CLTC: variants seen among roughly 807,000 people sequenced by gnomAD.
CLTC encodes the protein clathrin heavy chain, also known as clathrin heavy chain 1.
A neutral mutation model predicts 195.8 loss-of-function variants in CLTC; 16 were observed. The ratio of observed to expected loss-of-function variants is 0.08; its 90% CI spans 0.06 to 0.12. CLTC has a LOEUF of 0.12. CLTC is among the 10% of genes least tolerant of loss of function. The pLI is 1.00. For synonymous variants in CLTC, 667 were observed against 689.4 expected (o/e 0.97, Z 0.51); for missense variants, 796 against 2,027.0 (o/e 0.39, Z 11.66).
chr17:59,689,421 C>T (rs944590701), intron 30 of CLTC: 1 of 151,858 alleles, frequency 6.6e-6, no homozygotes, highest in African/African-American at 2.4e-5. Context: ...CTGAAGTCTA[C>T]AATTTTTTTT....
chr17:59,637,859 T>G lies in CLTC; in HGVS notation c.43-6417T>G, dbSNP rs938756089. ...GCAGCCCAGGAGGTTGAAGCTGCAG[T>G]GACCCATGATTGTGCCACTGAATTC... is the stretch of plus-strand genomic sequence containing the variant. On this transcript the variant is annotated intron_variant, in intron 1 of 31. Transcript: ENST00000269122. Among the ~76,000 whole-genome samples the G allele has an allele frequency of 4.8e-5, 7 of 145,700 alleles. No individual in the cohort carries two copies. In the East Asian group the frequency reaches 1.5e-3, roughly 30 times the overall value.
At position 59,651,327 on chromosome 17, in the gene CLTC, C is replaced by G. The variant is rs1299454726; in HGVS notation, c.795+11C>G. On this transcript the variant is annotated intron_variant, in intron 5 of 31. Transcript: ENST00000269122. ...CCTGTTGCAATGCAGGTATTTTAAG[C>G]AAAATAAATGACTTTTTAAAAATCT... 9 of 1,560,668 alleles carry G rather than the reference C, an allele frequency of 5.8e-6. No homozygotes were observed. The highest frequency in any genetic ancestry group is 5.3e-6 in the Non-Finnish European group (6 of 1,133,378).
chr17:59,624,454 C>CTTTTTTTTTTTTT (rs5821272), intron 1 of CLTC, among the ~76,000 whole-genome samples: 1 of 98,154 alleles, frequency 1.0e-5, no homozygotes. Flanking sequence ...GAGCCACATA[C>CTTTTTTTTTTTTT]TTTTTTTTTT....
chr17:59,686,944 A>G (rs2033197787), intron 30 of CLTC: 1 of 953,616 alleles, frequency 1.0e-6, no homozygotes, highest in Non-Finnish European at 1.2e-6. Context: ...CTACCTTTTT[A>G]TGCTCAATAT....
Position 59,683,307 on chromosome 17 carries a change from C to G in CLTC, c.4041+45C>G. On this transcript the variant is annotated intron_variant, in intron 25 of 31. Coordinates refer to ENST00000269122, the MANE Select transcript of CLTC (RefSeq NM_004859.4). The surrounding 1 kb of genome is among the most constrained non-coding windows in gnomAD (Gnocchi z 6.1). Reference sequence around the variant, plus strand: ...CAGTGAAGCAACTGTGTAGTTAAAACTAATGCTTCAAAATATCTTATTCTT... The same window carrying G: ...CAGTGAAGCAACTGTGTAGTTAAAAGTAATGCTTCAAAATATCTTATTCTT... 1 of 1,604,236 alleles carries G rather than the reference C, an allele frequency of 6.2e-7. No homozygotes were observed.
At chr17:59,668,504 C>T (rs1169431273) in intron 13 of CLTC, among the ~76,000 whole-genome samples, 3 of 152,072 alleles carry the variant, frequency 2.0e-5, no homozygotes, top group African/African-American at 4.8e-5. Context: ...GAGCTATGAT[C>T]GTGCCACTGC....
intron 1 of CLTC, among the ~76,000 whole-genome samples, chr17:59,641,779 A>G (rs2032043319): frequency 6.6e-6 from 1 of 152,092 alleles, no homozygotes; most frequent in Non-Finnish European, 1.5e-5. Flanking sequence ...TTAATGAGAA[A>G]GTAATATAAG....
chr17:59,660,012 G>A (rs984741922), intron 6 of CLTC, among the ~76,000 whole-genome samples: 1 of 152,184 alleles, frequency 6.6e-6, no homozygotes, highest in Non-Finnish European at 1.5e-5. Context: ...AAGTCCTCAA[G>A]AAGTTTTAAA....
chr17:59,675,338 A>C (rs942661294), intron 16 of CLTC, among the ~76,000 whole-genome samples: 1 of 152,172 alleles, frequency 6.6e-6, no homozygotes, highest in African/African-American at 2.4e-5. Context: ...TTTCCAATAG[A>C]ATATAGTATA....
At chr17:59,668,411 A>G (rs1307365949) in intron 13 of CLTC, among the ~76,000 whole-genome samples, 1 of 152,216 alleles carries the variant, frequency 6.6e-6, no homozygotes, top group Non-Finnish European at 1.5e-5. Context: ...TTAGCCTGGC[A>G]TGGTGGCATG....
At chr17:59,667,489 C>G (rs550281522) in intron 13 of CLTC, among the ~76,000 whole-genome samples, 5 of 152,162 alleles carry the variant, frequency 3.3e-5, no homozygotes, top group African/African-American at 1.2e-4. Context: ...TACTAATGAT[C>G]AGGTATAATA....
In CLTC at chr17:59,682,836, A is replaced by G; in HGVS notation, c.3765+43A>G. On this transcript the variant is annotated intron_variant, in intron 23 of 31. Coordinates refer to ENST00000269122, the MANE Select transcript of CLTC (RefSeq NM_004859.4). The surrounding 1 kb of genome is among the most constrained non-coding windows in gnomAD (Gnocchi z 6.8). Reference sequence around the variant, plus strand: ...TTGAGTGAAGAATTAAAGAAACGCTATTTAAACATTAGTTTAAATAACTAG... The same window carrying G: ...TTGAGTGAAGAATTAAAGAAACGCTGTTTAAACATTAGTTTAAATAACTAG... 2 of 1,611,416 alleles carry G rather than the reference A, an allele frequency of 1.2e-6. No individual in the cohort carries two copies. Among genetic ancestry groups the G allele is most frequent in the Non-Finnish European group, 1.7e-6 (2 of 1,178,412 alleles).
intron 1 of CLTC, among the ~76,000 whole-genome samples, chr17:59,637,563 A>C (rs966253853): frequency 6.7e-6 from 1 of 149,206 alleles, no homozygotes; most frequent in Non-Finnish European, 1.5e-5. Context: ...TTAAAAAAAA[A>C]AAAAAAATTT....
chr17:59,654,509 C>G (rs1458468822), intron 5 of CLTC, among the ~76,000 whole-genome samples: 2 of 151,708 alleles, frequency 1.3e-5, no homozygotes, highest in East Asian at 1.9e-4. Flanking sequence ...GAGACGGAAT[C>G]TCACTCTGTC....
At chr17:59,686,266 C>T (rs1292970495) in intron 30 of CLTC, among the ~76,000 whole-genome samples, 1 of 151,454 alleles carries the variant, frequency 6.6e-6, no homozygotes, top group African/African-American at 2.4e-5. Flanking sequence ...AGTTTAACCC[C>T]TGATTTAAAA....
intron 16 of CLTC, among the ~76,000 whole-genome samples, chr17:59,676,073 G>A (rs1350478939): frequency 6.6e-6 from 1 of 152,192 alleles, no homozygotes; most frequent in Non-Finnish European, 1.5e-5. Context: ...AGGCGTAGTG[G>A]CTTGTGCCTG....
At position 59,660,420 on chromosome 17, in the gene CLTC, C is replaced by T; in HGVS notation, c.999C>T (p.Asn333=). 2 of 1,614,060 alleles carry T rather than the reference C, an allele frequency of 1.2e-6. No homozygotes were observed. Among genetic ancestry groups the T allele is most frequent in the Non-Finnish European group, 1.7e-6 (2 of 1,179,944 alleles). ...TGTCAGTGTGTGTGGAAGAAGAAAA[C>T]ATAATTCCTTACATCACCAATGTTC... ...QVLSVCVEEE[N]IIPYITNVLQ... is the part of the protein sequence containing the mutation. Residue 333 remains asparagine (N), a synonymous_variant, in exon 7 of 32, where the codon AAC becomes AAT. Coordinates refer to ENST00000269122, the MANE Select transcript of CLTC (RefSeq NM_004859.4).
chr17:59,644,529 GT>G (rs759247868), intron 2 of CLTC, 46 bp downstream of exon 2: 316 of 1,129,902 alleles, frequency 2.8e-4, no homozygotes, highest in African/African-American at 2.5e-3. Flanking sequence ...CTATGTTTTT[GT>G]TTTTTTTTGT....
rs546524108 is a variant in CLTC at position 59,696,456 on chromosome 17, G to T, written c.*2604G>T. On this transcript the variant is annotated 3_prime_UTR_variant, in exon 32 of 32. Coordinates refer to ENST00000269122, the MANE Select transcript of CLTC (RefSeq NM_004859.4). ...GGGCCTATTACCAAAATTCTCCCTG[G>T]CATCATTACAGTTCTTGGGGATACA... The T allele has an allele frequency of 4.7e-6, 1 of 213,898 alleles. No homozygotes were observed. The highest frequency in any genetic ancestry group is 1.9e-4 in the South Asian group (1 of 5,322). The allele number at this position is 213,898 out of a possible 1,614,324, so 13.3% of individuals were successfully genotyped here.
Sources: gnomAD v4.1 joint callset for allele counts (sites outside exome capture counted in the v4.1 genomes callset) on GRCh38, gnomAD v4.1.1 for gene constraint, Gnocchi (gnomAD v3.1) non-coding constraint, MANE v1.5 for transcripts, NCBI Gene and HGNC (gene_info 2026-07-23, HGNC 2026-07-21) for gene names.